PDE7B: variants seen among roughly 807,000 people sequenced by gnomAD.
PDE7B encodes the protein phosphodiesterase 7B.
In PDE7B, 29 loss-of-function variants were observed where a neutral mutation model predicts 56.2. The observed-to-expected ratio is 0.52, with a 90% CI of 0.38 to 0.70. PDE7B has a LOEUF of 0.70. Among genes scored for constraint, PDE7B ranks in the 30% least tolerant of loss-of-function variants. The pLI is 0.00. For synonymous variants in PDE7B, 197 were observed against 196.9 expected, an observed-to-expected ratio of 1.00 and a Z score of 0.00; for missense variants, 490 against 565.0, an observed-to-expected ratio of 0.87 and a Z score of 1.35.
At chr6:135,948,573 A>G (rs1774630829) in intron 2 of PDE7B, among the ~76,000 whole-genome samples, 3 of 151,966 alleles carry the variant, frequency 2.0e-5, no homozygotes, top group African/African-American at 7.2e-5. Context: ...CTTAAGAAAC[A>G]AACAAAAACC....
intron 1 of PDE7B, among the ~76,000 whole-genome samples, chr6:135,919,751 C>A (rs1774033944): frequency 6.6e-6 from 1 of 152,166 alleles, no homozygotes; most frequent in Non-Finnish European, 1.5e-5. Flanking sequence ...CTATGATTGA[C>A]TTTATATGTT....
chr6:136,028,723 G>A (rs1165315195), intron 2 of PDE7B, among the ~76,000 whole-genome samples: 5 of 152,152 alleles, frequency 3.3e-5, no homozygotes, highest in Non-Finnish European at 5.9e-5. Context: ...TCTTCCACAT[G>A]TAAGGACACT....
At chr6:136,058,784 A>T (rs574444241) in intron 2 of PDE7B, among the ~76,000 whole-genome samples, 1 of 152,304 alleles carries the variant, frequency 6.6e-6, no homozygotes. Context: ...GGGGAAAAAT[A>T]GTATACCATG....
chr6:136,182,335 C>A (rs960390667), intron 11 of PDE7B, among the ~76,000 whole-genome samples: 2 of 152,114 alleles, frequency 1.3e-5, no homozygotes, highest in African/African-American at 2.4e-5. Context: ...GGTTAGAAAT[C>A]AAAATCTCAG....
chr6:136,171,906 C>T (rs374437097), intron 8 of PDE7B, among the ~76,000 whole-genome samples: 3 of 150,296 alleles, frequency 2.0e-5, no homozygotes, highest in East Asian at 3.9e-4. Context: ...TTTGTTCTTG[C>T]GATAGTTTAC....
intron 3 of PDE7B, among the ~76,000 whole-genome samples, chr6:136,133,766 G>T (rs1343754053): frequency 2.0e-5 from 3 of 152,150 alleles, no homozygotes; most frequent in African/African-American, 7.2e-5. Flanking sequence ...ACTAGGAGGA[G>T]AGCTGAATGC....
At chr6:136,068,144 C>G (rs539218265) in intron 2 of PDE7B, among the ~76,000 whole-genome samples, 17 of 152,236 alleles carry the variant, frequency 1.1e-4, no homozygotes, top group African/African-American at 4.1e-4. Flanking sequence ...TGACACAGGC[C>G]CAGGAGGGCC....
At chr6:136,169,885 T>G (rs1224354276) in intron 8 of PDE7B, among the ~76,000 whole-genome samples, 4 of 152,156 alleles carry the variant, frequency 2.6e-5, no homozygotes, top group Admixed American at 6.5e-5. Flanking sequence ...GCTTCAAACA[T>G]GGTCAAGTGG....
At chr6:135,926,215 C>T (rs184115632) in intron 1 of PDE7B, among the ~76,000 whole-genome samples, 7,997 of 151,416 alleles carry the variant, frequency 0.053, 233 homozygotes, top group Non-Finnish European at 0.063. Flanking sequence ...GCCTCCCGAG[C>T]AGCTGGGACT....
At chr6:135,855,617 A>G (rs926024138) in intron 1 of PDE7B, among the ~76,000 whole-genome samples, 2 of 152,208 alleles carry the variant, frequency 1.3e-5, no homozygotes, top group African/African-American at 4.8e-5. Flanking sequence ...AAGAGAGCCA[A>G]AATTTTCCCA....
At chr6:136,003,410 G>A (rs1775711285) in intron 2 of PDE7B, among the ~76,000 whole-genome samples, 2 of 152,160 alleles carry the variant, frequency 1.3e-5, no homozygotes, top group Non-Finnish European at 2.9e-5. Context: ...AATGAATCCA[G>A]AAGCTGGTTT....
chr6:136,176,465 A>C (rs1276691644), intron 9 of PDE7B, among the ~76,000 whole-genome samples: 1 of 152,076 alleles, frequency 6.6e-6, no homozygotes, highest in African/African-American at 2.4e-5. Flanking sequence ...GTCAATTACT[A>C]TAGCTGTACA....
intron 2 of PDE7B, among the ~76,000 whole-genome samples, chr6:135,996,593 T>A (rs1026743866): frequency 1.3e-5 from 2 of 152,210 alleles, no homozygotes; most frequent in South Asian, 2.1e-4. Flanking sequence ...ATTAACCCAT[T>A]TAGACAATCT....
intron 8 of PDE7B, among the ~76,000 whole-genome samples, chr6:136,171,598 G>T (rs1479260457): frequency 5.3e-5 from 8 of 152,040 alleles, no homozygotes; most frequent in Admixed American, 5.2e-4. Context: ...TGACTATAGT[G>T]ACATGGTATC....
At chr6:135,945,421 C>G (rs1290717490) in intron 1 of PDE7B, among the ~76,000 whole-genome samples, 1 of 152,146 alleles carries the variant, frequency 6.6e-6, no homozygotes, top group Non-Finnish European at 1.5e-5. Context: ...CCTCCATGGT[C>G]CAGCCTCTTG....
At chr6:135,879,715 G>A (rs1775569718) in intron 1 of PDE7B, among the ~76,000 whole-genome samples, 1 of 152,106 alleles carries the variant, frequency 6.6e-6, no homozygotes, top group Non-Finnish European at 1.5e-5. Context: ...GAATGAAACA[G>A]CCTAAGAATG....
chr6:135,870,800 T>C (rs1351369412), intron 1 of PDE7B, among the ~76,000 whole-genome samples: 2 of 152,052 alleles, frequency 1.3e-5, no homozygotes, highest in East Asian at 3.9e-4. Context: ...ATTTAAAGCC[T>C]TGGAACTGGA....
rs181867881 is a variant in PDE7B at position 136,178,474 on chromosome 6, G to C, written c.804-523G>C. Among the ~76,000 whole-genome samples the C allele has an allele frequency of 2.0e-5, 3 of 152,256 alleles. No homozygotes were observed. The East Asian group carries it at 5.8e-4, about 29-fold the overall frequency. ...ATCTCTTGCCCACTGGTTTGTAACA[G>C]TGCCTTAATTAGTTTTTGTGTTTGA... On this transcript the variant is annotated intron_variant, in intron 9 of 12. Coordinates refer to ENST00000308191, the MANE Select transcript of PDE7B (RefSeq NM_018945.4).
intron 2 of PDE7B, among the ~76,000 whole-genome samples, chr6:136,046,731 T>C (rs1776515629): frequency 6.6e-6 from 1 of 152,202 alleles, no homozygotes; most frequent in Non-Finnish European, 1.5e-5. Flanking sequence ...GAAGCCTCAA[T>C]GTGCCCATAT....
Sources: allele counts gnomAD v4.1 joint callset (sites outside exome capture counted in the v4.1 genomes callset), GRCh38; gene constraint gnomAD v4.1.1; transcripts MANE v1.5; gene names NCBI Gene and HGNC (gene_info 2026-07-23, HGNC 2026-07-21).